The following SEC16A variants were observed in gnomAD, a reference collection of about 807,000 sequenced individuals.
SEC16A encodes the protein protein transport protein Sec16A.
SEC16A carries 110 observed loss-of-function variants against 221.9 expected under a neutral mutation model. The ratio of observed to expected loss-of-function variants is 0.50; its 90% CI spans 0.42 to 0.58. The LOEUF is 0.58. Among genes scored for constraint, SEC16A ranks in the 20% least tolerant of loss-of-function variants. The pLI is 0.00. For synonymous variants in SEC16A, 1,393 were observed against 1,257.7 expected (o/e 1.11, Z -2.28); for missense variants, 3,165 against 3,097.8 (o/e 1.02, Z -0.52).
intron 11 of SEC16A, 70 bp downstream of exon 11, chr9:136,463,389 CGGGA>C: frequency 6.4e-7 from 1 of 1,562,706 alleles, no homozygotes; most frequent in Admixed American, 1.8e-5. Flanking sequence ...CCTGCTCCTT[CGGGA>C]GGCTGAGCAT....
chr9:136,484,480 G>A (rs201574005), upstream of SEC16A: 368 of 1,213,946 alleles, frequency 3.0e-4, no homozygotes, highest in African/African-American at 5.3e-3. Flanking sequence ...ACACCTGCCT[G>A]GCAAGGGCAG....
chr9:136,453,856 C>T (rs1411921711), intron 21 of SEC16A, among the ~76,000 whole-genome samples: 1 of 152,216 alleles, frequency 6.6e-6, no homozygotes, highest in Non-Finnish European at 1.5e-5. Flanking sequence ...CCATGGCCAC[C>T]ATGCCCTGCC....
At position 136,470,648 on chromosome 9, in the gene SEC16A, C is replaced by T. The variant is rs569060244; in HGVS notation, c.3704+1327G>A. 3.9e-5 allele frequency among the ~76,000 whole-genome samples: 6 copies of T among 152,324 alleles called. No individual in the cohort carries two copies. In the South Asian group the frequency reaches 1.2e-3, roughly 32 times the overall value. On this transcript the variant is annotated intron_variant, in intron 4 of 31. Transcript: ENST00000684901. ...CTGCTTCACAAAGCACCTCCAACAT[C>T]CAGCTGCACACCGCCCAGTGCATGC... is the stretch of plus-strand genomic sequence containing the variant.
Position 136,480,635 on chromosome 9 carries a change from T to C in SEC16A, c.-191-1805A>G, listed in dbSNP as rs554503275. ...GGCCGGGCACGGTGGCTCACACCTG[T>C]AATCCCAGCACTTTGGGAGGCCGAG... is the stretch of plus-strand genomic sequence containing the variant. On this transcript the variant is annotated intron_variant, in intron 1 of 31. Coordinates refer to ENST00000684901, the MANE Select transcript of SEC16A (RefSeq NM_014866.2). 2.6e-4 allele frequency among the ~76,000 whole-genome samples: 40 copies of C among 152,278 alleles called. 1 individual carries two copies. In the South Asian group the frequency reaches 8.1e-3, roughly 31 times the overall value.
At chr9:136,441,844 T>C in intron 31 of SEC16A, 21 bp from the exon 32 acceptor site, 2 of 1,610,164 alleles carry the variant, frequency 1.2e-6, no homozygotes, top group Non-Finnish European at 1.7e-6. Flanking sequence ...ATCAACAGCA[T>C]GACCTCTGCA....
chr9:136,478,213 T>C (rs1317793185), intron 2 of SEC16A, among the ~76,000 whole-genome samples: 1 of 152,170 alleles, frequency 6.6e-6, no homozygotes, highest in African/African-American at 2.4e-5. Flanking sequence ...GAGGCCAGCC[T>C]GAGCAACAGG....
At position 136,460,050 on chromosome 9, in the gene SEC16A, C is replaced by A. The variant is rs773116220; in HGVS notation, c.5065G>T (p.Ala1689Ser). Residue 1689 changes from alanine to serine, a missense_variant, in exon 14 of 32, where the codon GCG becomes TCG. Transcript: ENST00000684901. ...CAGGCAGTGCCACTCACCGTGGACGCGGCAGGCATCCGTCCGGACATGAGC... is the reference window on the plus strand; with the variant it reads ...CAGGCAGTGCCACTCACCGTGGACGAGGCAGGCATCCGTCCGGACATGAGC... The part of the protein sequence containing the change: ...YQLMSGRMPA[A>S]STCCGDEKWG... 2 of 1,603,524 alleles carry A rather than the reference C, an allele frequency of 1.2e-6. No homozygotes were observed. The highest frequency in any genetic ancestry group is 1.7e-5 in the Admixed American group (1 of 58,452).
At position 136,441,631 on chromosome 9, in the gene SEC16A, C is replaced by T. The variant is rs185481116; in HGVS notation, c.*124G>A. ...GCGGTGAGGAGGGAGGCACAGTGTG[C>T]GACCAGCTCTGAGTCACTGCTGTGT... On this transcript the variant is annotated 3_prime_UTR_variant, in exon 32 of 32. Coordinates refer to ENST00000684901, the MANE Select transcript of SEC16A (RefSeq NM_014866.2). The T allele has an allele frequency of 1.3e-4, 97 of 749,956 alleles. No homozygotes were observed. Among genetic ancestry groups the T allele is most frequent in the Middle Eastern group, 2.4e-4 (1 of 4,138 alleles). 46.5% of individuals were successfully genotyped at this position (749,956 alleles called of 1,614,324 possible). A position where few individuals can be genotyped will look rare whatever the true frequency, so the allele number is the denominator to read the frequency against.
At chr9:136,484,696 G>T (rs1241496706), upstream of SEC16A, 2 of 1,366,552 alleles carry the variant, frequency 1.5e-6, no homozygotes, top group Non-Finnish European at 9.8e-7. Context: ...CGCAGGCGGT[G>T]CAGGGAGAGC....
intron 8 of SEC16A, 123 bp downstream of exon 8, chr9:136,465,839 G>A (rs892588614): frequency 7.8e-5 from 79 of 1,007,186 alleles, no homozygotes; most frequent in Non-Finnish European, 1.1e-4. Context: ...GGACGGATTG[G>A]GTCAGAGCCA....
In SEC16A at chr9:136,476,274, C is replaced by A; in HGVS notation, c.1342G>T (p.Val448Leu). ...DVWGDTASTG[V>L]PDASGSQYEN... The stretch of plus-strand genomic sequence containing the variant: ...TACTGCGAGCCGCTGGCATCCGGCA[C>A]CCCTGTGCTCGCTGTGTCACCCCAC... Residue 448 changes from valine (V) to leucine (L), a missense_variant, in exon 3 of 32, where the codon GTG becomes TTG. Transcript: ENST00000684901. 6.2e-7 allele frequency: 1 copy of A among 1,613,294 alleles called. No individual in the cohort carries two copies. Among genetic ancestry groups the A allele is most frequent in the Non-Finnish European group, 8.5e-7 (1 of 1,179,868 alleles).
In SEC16A at chr9:136,475,489, T is replaced by G; in HGVS notation, c.2127A>C (p.Ser709=). The change falls in exon 3 of 32, where the codon TCA becomes TCC. Residue 709 remains serine, a synonymous_variant. Transcript: ENST00000684901. The surrounding 1 kb of genome is among the most constrained non-coding windows in gnomAD (Gnocchi z 5.0). ...ACTTCACGGGCCCCTGGGTCCTGGC[T>G]GAAGGCCTCTTCTCGGGTGCTGGAT... ...TVYPAPEKRP[S]ARTQGPVKCE... is the part of the protein sequence containing the mutation. 1 of 1,608,298 alleles carries G rather than the reference T, an allele frequency of 6.2e-7. No individual in the cohort carries two copies. Among genetic ancestry groups the G allele is most frequent in the Non-Finnish European group, 8.5e-7 (1 of 1,175,972 alleles).
At chr9:136,483,168 A>AT (rs1222230488), upstream of SEC16A, 2 of 232,692 alleles carry the variant, frequency 8.6e-6, no homozygotes, top group East Asian at 5.6e-4. Flanking sequence ...TTCACAGCCC[A>AT]TCCCTCGGCC....
chr9:136,474,512 G>A lies in SEC16A; in HGVS notation c.3104C>T (p.Pro1035Leu), dbSNP rs956436315. The A allele has an allele frequency of 1.2e-6, 2 of 1,612,854 alleles. No homozygotes were observed. Among genetic ancestry groups the A allele is most frequent in the Non-Finnish European group, 8.5e-7 (1 of 1,179,832 alleles). Residue 1035 changes from proline (P) to leucine (L), a missense_variant, in exon 3 of 32, where the codon CCT becomes CTT. By Grantham distance (98) the Pro-to-Leu change is moderately conservative. Around this residue, in one of 3 missense-constraint regions of SEC16A, gnomAD observed 2,030 missense variants for 1,923.1 expected, o/e 1.06. Coordinates refer to ENST00000684901, the MANE Select transcript of SEC16A (RefSeq NM_014866.2). ...CTGCTGATAAAAACGGTCAAGGTTA[G>A]GCGCCCCAGGCCCAGATTGTCTGGG... is the stretch of plus-strand genomic sequence containing the variant. ...SHPRQSGPGA[P>L]NLDRFYQQVT...
At position 136,455,675 on chromosome 9, in the gene SEC16A, A is replaced by G; in HGVS notation, c.5783T>C (p.Ile1928Thr). 6.3e-7 allele frequency: 1 copy of G among 1,593,968 alleles called. No homozygotes were observed. Among genetic ancestry groups the G allele is most frequent in the Non-Finnish European group, 8.5e-7 (1 of 1,171,120 alleles). Reference sequence around the variant, plus strand: ...AGGCACCGCCAGCAGAGGGTTGGCGATCCCCAGGGCTCCTGGCTGACTGAG... The same window carrying G: ...AGGCACCGCCAGCAGAGGGTTGGCGGTCCCCAGGGCTCCTGGCTGACTGAG... ...PGLSQPGALG[I>T]ANPLLAVPAP... is the part of the protein sequence containing the mutation. The change falls in exon 20 of 32, where the codon ATC becomes ACC. Residue 1928 changes from isoleucine to threonine, a missense_variant. Physicochemically the swap from Ile to Thr is moderately conservative, Grantham distance 89. Around this residue, in one of 3 missense-constraint regions of SEC16A, gnomAD observed 1,088 missense variants for 1,089.6 expected, o/e 1.00. Coordinates refer to ENST00000684901, the MANE Select transcript of SEC16A (RefSeq NM_014866.2).
At chr9:136,468,563 T>C (rs1840449006) in intron 4 of SEC16A, 51 bp from the exon 5 acceptor site, 1 of 1,188,850 alleles carries the variant, frequency 8.4e-7, no homozygotes, top group African/African-American at 1.5e-5. Context: ...TTTCTTAAAG[T>C]GTGACATCAG....
chr9:136,484,328 AGGCCAGGC>A, upstream of SEC16A: 2 of 1,105,660 alleles, frequency 1.8e-6, no homozygotes, highest in African/African-American at 3.4e-5. Flanking sequence ...TGCCACGGCC[AGGCCAGGC>A]AGCATCCACG....
At position 136,459,111 on chromosome 9, in the gene SEC16A, G is replaced by C; in HGVS notation, c.5409+23C>G. The C allele has an allele frequency of 6.4e-7, 1 of 1,555,428 alleles. No homozygotes were observed. Among genetic ancestry groups the C allele is most frequent in the Non-Finnish European group, 8.8e-7 (1 of 1,133,066 alleles). On this transcript the variant is annotated intron_variant, in intron 17 of 31. Transcript: ENST00000684901. The surrounding 1 kb of genome is among the most constrained non-coding windows in gnomAD (Gnocchi z 6.1). The stretch of plus-strand genomic sequence containing the variant: ...GAGTGCCTGCCCAGCCATGACAGCT[G>C]CAGGCTGGCAGCACCTGCTTACCTG...
In SEC16A at chr9:136,475,281, C is replaced by T. The variant is rs747567683; in HGVS notation, c.2335G>A (p.Val779Met). 6.2e-7 allele frequency: 1 copy of T among 1,613,470 alleles called. No homozygotes were observed. The highest frequency in any genetic ancestry group is 1.7e-5 in the Admixed American group (1 of 60,020). The change falls in exon 3 of 32, where the codon GTG becomes ATG. Residue 779 changes from valine to methionine, a missense_variant. Physicochemically the swap from Val to Met is conservative, Grantham distance 21. Coordinates refer to ENST00000684901, the MANE Select transcript of SEC16A (RefSeq NM_014866.2). This position sits in a 1 kb window ranked among gnomAD's most constrained non-coding sequence, Gnocchi z 5.0. ...GCACCAATGCCACCTCGGCTCTGCACCGGGGCCGCCGAGCTTGGGTTCCGT... is the reference window on the plus strand; with the variant it reads ...GCACCAATGCCACCTCGGCTCTGCATCGGGGCCGCCGAGCTTGGGTTCCGT... The part of the protein sequence containing the change: ...QSRNPSSAAP[V>M]QSRGGIGASE...
Sources: allele counts gnomAD v4.1 joint callset (sites outside exome capture counted in the v4.1 genomes callset), GRCh38; gene constraint gnomAD v4.1.1; regional missense constraint gnomAD v4.1.1; non-coding constraint Gnocchi (gnomAD v3.1); transcripts MANE v1.5; gene names NCBI Gene and HGNC (gene_info 2026-07-23, HGNC 2026-07-21).